Variants in CHMP6 observed in about 807,000 individuals in gnomAD.
The protein encoded by CHMP6 is chromatin-modifying protein 6.
In CHMP6, 10 loss-of-function variants were observed where a neutral mutation model predicts 32.8. The ratio of observed to expected loss-of-function variants is 0.30; its 90% CI spans 0.19 to 0.52. CHMP6 has a LOEUF of 0.52. Ranked by LOEUF, CHMP6 falls within the 20% of genes least tolerant of loss-of-function variation. CHMP6 has a pLI of 0.97. For missense variants in CHMP6, 269 were observed against 263.8 expected, an observed-to-expected ratio of 1.02 and a Z score of -0.14; for synonymous variants, 123 against 105.8, an observed-to-expected ratio of 1.16 and a Z score of -1.00.
At chr17:80,998,809 G>A (rs1456884516) in intron 7 of CHMP6, 23 of 776,262 alleles carry the variant, frequency 3.0e-5, no homozygotes, top group South Asian at 1.1e-4. Flanking sequence ...CTTTAGAACC[G>A]TCCATCCACG....
chr17:80,995,572 C>T, intron 3 of CHMP6, 100 bp from the exon 4 acceptor site: 3 of 984,652 alleles, frequency 3.0e-6, no homozygotes, highest in Non-Finnish European at 4.8e-6. Flanking sequence ...CGCCCAGCAG[C>T]ACCCGCCCAG....
chr17:80,998,330 T>A (rs1472176940), intron 6 of CHMP6, 36 bp from the exon 7 acceptor site: 1 of 1,613,450 alleles, frequency 6.2e-7, no homozygotes, highest in Non-Finnish European at 8.5e-7. Flanking sequence ...GGCAGACCTG[T>A]CACCTGCTCA....
Position 80,997,097 on chromosome 17 carries a change from C to T in CHMP6, c.414+25C>T, listed in dbSNP as rs1466520603. ...GGTAGGTGGCACCCTGACCGGCCTG[C>T]CCCCAACTGTGAGAACCCACAAGGC... On this transcript the variant is annotated intron_variant, in intron 5 of 7. Transcript: ENST00000325167. 4 of 1,611,608 alleles carry T rather than the reference C, an allele frequency of 2.5e-6. No homozygotes were observed. The South Asian group carries it at 4.4e-5, about 18-fold the overall frequency.
At chr17:80,994,737 G>A (rs1030047969) in intron 2 of CHMP6, 47 bp downstream of exon 2, 1 of 989,900 alleles carries the variant, frequency 1.0e-6, no homozygotes. Context: ...CTGGGGTGGG[G>A]GGCCCGGGCA....
intron 4 of CHMP6, 101 bp downstream of exon 4, chr17:80,995,859 A>G (rs2069633690): frequency 9.6e-7 from 1 of 1,040,702 alleles, no homozygotes; most frequent in Non-Finnish European, 1.4e-6. Context: ...CGTGTCAGAC[A>G]CAGGGCAAGA....
Position 80,999,379 on chromosome 17 carries a change from A to C in CHMP6, c.*226A>C. 2.0e-6 allele frequency: 1 copy of C among 509,776 alleles called. No homozygotes were observed. The highest frequency in any genetic ancestry group is 3.5e-5 in the East Asian group (1 of 28,904). The allele number at this position is 509,776 out of a possible 1,614,324, so 31.6% of individuals were successfully genotyped here. A position where few individuals can be genotyped will look rare whatever the true frequency, so the allele number is the denominator to read the frequency against. ...ACTGGCCTGCTCTCAGTCCGGATTAACTCTCGACCGAGCCCAGCTTCTGCC... is the reference window on the plus strand; with the variant it reads ...ACTGGCCTGCTCTCAGTCCGGATTACCTCTCGACCGAGCCCAGCTTCTGCC... On this transcript the variant is annotated 3_prime_UTR_variant, in exon 8 of 8. Transcript: ENST00000325167.
rs139842083 is a variant in CHMP6 at position 80,999,404 on chromosome 17, C to T, written c.*251C>T. The T allele has an allele frequency of 1.1e-4, 53 of 485,630 alleles. No homozygotes were observed. In the Admixed American group the frequency reaches 1.5e-3, roughly 14 times the overall value. The allele number at this position is 485,630 out of a possible 1,614,324, so 30.1% of individuals were successfully genotyped here. On this transcript the variant is annotated 3_prime_UTR_variant, in exon 8 of 8. Coordinates refer to ENST00000325167, the MANE Select transcript of CHMP6 (RefSeq NM_024591.5). ...ACTCTCGACCGAGCCCAGCTTCTGC[C>T]GGTTGTGGGCTCCCCCGGTGGCCGA...
At position 80,998,429 on chromosome 17, in the gene CHMP6, A is replaced by G; in HGVS notation, c.550+9A>G. ...TCCTGAGAAGATCCCAGGTATTTCC[A>G]TGTTTGATTCTTTTGAATGGTTGGA... On this transcript the variant is annotated intron_variant, in intron 7 of 7. Transcript: ENST00000325167. 1 of 1,614,056 alleles carries G rather than the reference A, an allele frequency of 6.2e-7. No homozygotes were observed. The highest frequency in any genetic ancestry group is 8.5e-7 in the Non-Finnish European group (1 of 1,179,970).
chr17:80,993,566 T>C (rs2069611716), intron 1 of CHMP6, among the ~76,000 whole-genome samples: 1 of 152,250 alleles, frequency 6.6e-6, no homozygotes, highest in East Asian at 1.9e-4. Flanking sequence ...AGGCCCTGAC[T>C]GAGCTAATTC....
chr17:80,992,348 T>A (rs1195553158), intron 1 of CHMP6, among the ~76,000 whole-genome samples: 1 of 151,904 alleles, frequency 6.6e-6, no homozygotes, highest in Admixed American at 6.6e-5. Context: ...TTTCCCTGGC[T>A]CTGGGCCCGC....
rs768409056 is a variant in CHMP6 at position 80,994,654 on chromosome 17, C to A, written c.137C>A (p.Ala46Asp). 11 of 1,582,814 alleles carry A rather than the reference C, an allele frequency of 6.9e-6. No homozygotes were observed. In the South Asian group the frequency reaches 1.3e-4, roughly 18 times the overall value. ...RIAQQLERER[A>D]LARQLLRDGR... ...GCCCAGCAGCTGGAGCGCGAGCGCGCCCTGGCCCGGCAGCTGCTGCGGGAC... is the reference window on the plus strand; with the variant it reads ...GCCCAGCAGCTGGAGCGCGAGCGCGACCTGGCCCGGCAGCTGCTGCGGGAC... Residue 46 changes from alanine to aspartate, a missense_variant, in exon 2 of 8, where the codon GCC (alanine) becomes GAC (aspartate). Physicochemically the swap from Ala to Asp is moderately radical, Grantham distance 126. Coordinates refer to ENST00000325167, the MANE Select transcript of CHMP6 (RefSeq NM_024591.5).
chr17:80,995,070 C>T lies in CHMP6; in HGVS notation c.225C>T (p.Asp75=). Residue 75 remains aspartate, a synonymous_variant, in exon 3 of 8, where the codon GAC becomes GAT. Coordinates refer to ENST00000325167, the MANE Select transcript of CHMP6 (RefSeq NM_024591.5). ...AGCGATACCAGGAGCAGCTCCTGGA[C>T]AGGACGGAGAACCAGATCAGCAGCC... ...KKKRYQEQLL[D]RTENQISSLE... 2 of 1,603,206 alleles carry T rather than the reference C, an allele frequency of 1.2e-6. No homozygotes were observed. Among genetic ancestry groups the T allele is most frequent in the East Asian group, 2.3e-5 (1 of 44,402 alleles).
Position 80,991,995 on chromosome 17 carries a change from C to T in CHMP6, c.63+14C>T. ...AAGGCCATCCTGGTGAGGGCCCGGGCCCGGGGTCAGGGCTGGGGCCGGGAC... is the reference window on the plus strand; with the variant it reads ...AAGGCCATCCTGGTGAGGGCCCGGGTCCGGGGTCAGGGCTGGGGCCGGGAC... On this transcript the variant is annotated intron_variant, in intron 1 of 7. Transcript: ENST00000325167. 7.1e-7 allele frequency: 1 copy of T among 1,414,328 alleles called. No homozygotes were observed. The highest frequency in any genetic ancestry group is 1.4e-5 in the South Asian group (1 of 71,160). 87.6% of individuals were successfully genotyped at this position (1,414,328 alleles called of 1,614,324 possible).
chr17:80,998,301 G>A, intron 6 of CHMP6, 65 bp from the exon 7 acceptor site: 2 of 1,580,746 alleles, frequency 1.3e-6, no homozygotes, highest in Non-Finnish European at 1.7e-6. Flanking sequence ...GTCCTCTCGG[G>A]GAGGCCCAGG....
chr17:80,993,904 G>A (rs1298986344), intron 1 of CHMP6, among the ~76,000 whole-genome samples: 1 of 152,010 alleles, frequency 6.6e-6, no homozygotes, highest in Non-Finnish European at 1.5e-5. Flanking sequence ...CCACCTGCAT[G>A]TTCTTGAGTC....
chr17:80,998,106 G>A (rs113950860), intron 6 of CHMP6, among the ~76,000 whole-genome samples: 3 of 152,286 alleles, frequency 2.0e-5, no homozygotes, highest in African/African-American at 7.2e-5. Context: ...CCAGGACGTC[G>A]CCTCCTTACA....
intron 6 of CHMP6, among the ~76,000 whole-genome samples, chr17:80,998,003 G>A (rs955622942): frequency 4.6e-5 from 7 of 152,226 alleles, no homozygotes; most frequent in Admixed American, 1.3e-4. Flanking sequence ...GCGTTGTACC[G>A]CAGCCCACCC....
At chr17:80,998,620 C>A in intron 7 of CHMP6, 200 bp downstream of exon 7, 1 of 1,443,680 alleles carries the variant, frequency 6.9e-7, no homozygotes. Context: ...TGGGCAACCT[C>A]ATAAGAGAGC....
At chr17:80,994,061 G>A (rs1598438567) in intron 1 of CHMP6, among the ~76,000 whole-genome samples, 1 of 152,226 alleles carries the variant, frequency 6.6e-6, no homozygotes, top group East Asian at 1.9e-4. Flanking sequence ...TACAGGCACC[G>A]CCACCACACC....
Sources: gnomAD v4.1 joint callset for allele counts (sites outside exome capture counted in the v4.1 genomes callset) on GRCh38, gnomAD v4.1.1 for gene constraint, MANE v1.5 for transcripts, NCBI Gene and HGNC (gene_info 2026-07-23, HGNC 2026-07-21) for gene names.